LIFR: variants seen among roughly 807,000 people sequenced by gnomAD.
LIFR encodes the protein leukemia inhibitory factor receptor.
A neutral mutation model predicts 122.2 loss-of-function variants in LIFR; 84 were observed. The ratio of observed to expected loss-of-function variants is 0.69; its 90% CI spans 0.58 to 0.82. LIFR has a LOEUF of 0.82. Ranked by LOEUF, LIFR falls within the 40% of genes least tolerant of loss-of-function variation. The pLI, the probability that LIFR is intolerant of heterozygous loss-of-function variation, is 0.00. For missense variants in LIFR, 1,294 were observed against 1,311.6 expected (o/e 0.99, Z 0.21); for synonymous variants, 422 against 434.7 (o/e 0.97, Z 0.36).
At chr5:38,548,916 G>A (rs1748041599) in intron 1 of LIFR, among the ~76,000 whole-genome samples, 1 of 152,196 alleles carries the variant, frequency 6.6e-6, no homozygotes, top group African/African-American at 2.4e-5. Flanking sequence ...TCTGTATTAA[G>A]AATAGAATAC....
chr5:38,496,412 AAGGTGGTGATGAGCCCACAGAATTTTT>A lies in LIFR; in HGVS notation c.1828_1854del (p.Lys610_Pro618del). On this transcript the variant is annotated inframe_deletion, in exon 13 of 20. Transcript: ENST00000453190. ...GGAATTTCCATACTCGCTATTTTGG[AAGGTGGTGATGAGCCCACAGAATTTTT>A]AGCCACTACGCTGATGATGTAGTCA... 6.2e-7 allele frequency: 1 copy of A among 1,613,956 alleles called. No homozygotes were observed. Among genetic ancestry groups the A allele is most frequent in the Non-Finnish European group, 8.5e-7 (1 of 1,179,800 alleles).
chr5:38,481,852 C>A lies in LIFR; in HGVS notation c.3037G>T (p.Val1013Leu). 1 of 1,614,176 alleles carries A rather than the reference C, an allele frequency of 6.2e-7. No homozygotes were observed. The highest frequency in any genetic ancestry group is 8.5e-7 in the Non-Finnish European group (1 of 1,180,032). The change falls in exon 20 of 20, where the codon GTG becomes TTG. Residue 1013 changes from valine (V) to leucine (L), a missense_variant. Coordinates refer to ENST00000453190, the MANE Select transcript of LIFR (RefSeq NM_001127671.2). ...PQMHLPINST[V>L]EDIAAEEDLD... The stretch of plus-strand genomic sequence containing the variant: ...TCCTCTTCTGCAGCTATATCTTCCA[C>A]AGTAGAATTAATGGGGAGGTGCATC...
intron 12 of LIFR, among the ~76,000 whole-genome samples, chr5:38,497,444 A>G (rs77385229): frequency 0.022 from 3,384 of 152,386 alleles, 61 homozygotes; most frequent in Non-Finnish European, 0.033. Context: ...ATAAAAAACA[A>G]TATTTATCTC....
At chr5:38,515,471 T>C (rs1746025399) in intron 5 of LIFR, among the ~76,000 whole-genome samples, 1 of 151,930 alleles carries the variant, frequency 6.6e-6, no homozygotes, top group Non-Finnish European at 1.5e-5. Context: ...AACAAGATAA[T>C]ATAAGGAGTG....
chr5:38,496,558 GA>G lies in LIFR; in HGVS notation c.1708del (p.Ser570ProfsTer38). ...ATCTGATGAACACGATACATTGTAG[GA>G]AAGTATTTTTCCATTAGCTTCATTA... ...PINEANGKIL[S>X]YNVSCSSDEE... On this transcript the variant is annotated frameshift_variant, in exon 13 of 20. Coordinates refer to ENST00000453190, the MANE Select transcript of LIFR (RefSeq NM_001127671.2). LOFTEE classifies it high-confidence loss of function. The G allele has an allele frequency of 6.2e-7, 1 of 1,613,786 alleles. No homozygotes were observed. Among genetic ancestry groups the G allele is most frequent in the Non-Finnish European group, 8.5e-7 (1 of 1,179,684 alleles).
Position 38,489,206 on chromosome 5 carries a change from G to C in LIFR, c.2207C>G (p.Ser736Cys), listed in dbSNP as rs1261807870. ...CCATTTTACTAATATCGAATCTGCA[G>C]AAGTATCCTCAACAGTAAAATTTGG... ...VAPNFTVEDT[S>C]ADSILVKWED... The change falls in exon 16 of 20, where the codon TCT becomes TGT. Residue 736 changes from serine to cysteine, a missense_variant. Coordinates refer to ENST00000453190, the MANE Select transcript of LIFR (RefSeq NM_001127671.2). 1 of 1,613,190 alleles carries C rather than the reference G, an allele frequency of 6.2e-7. No individual in the cohort carries two copies. The highest frequency in any genetic ancestry group is 8.5e-7 in the Non-Finnish European group (1 of 1,179,636).
intron 1 of LIFR, among the ~76,000 whole-genome samples, chr5:38,587,118 C>A (rs1749774471): frequency 6.6e-6 from 1 of 152,050 alleles, no homozygotes; most frequent in Non-Finnish European, 1.5e-5. Flanking sequence ...CAGGACTACA[C>A]CCTGGGAATA....
chr5:38,569,670 A>T (rs1749146350), intron 1 of LIFR, among the ~76,000 whole-genome samples: 1 of 152,084 alleles, frequency 6.6e-6, no homozygotes, highest in Admixed American at 6.5e-5. Context: ...AAGTTTGGGG[A>T]CCGCTGCCCT....
At chr5:38,590,368 T>C (rs1327326848) in intron 1 of LIFR, among the ~76,000 whole-genome samples, 1 of 152,142 alleles carries the variant, frequency 6.6e-6, no homozygotes, top group Admixed American at 6.5e-5. Flanking sequence ...GGGAAAATAC[T>C]TGGTAACTTT....
At chr5:38,577,284 C>G (rs1190033435) in intron 1 of LIFR, among the ~76,000 whole-genome samples, 1 of 152,188 alleles carries the variant, frequency 6.6e-6, no homozygotes, top group Non-Finnish European at 1.5e-5. Flanking sequence ...TTTTGAGTAT[C>G]TAGATCTAAT....
chr5:38,569,438 T>C (rs993754084), intron 1 of LIFR, among the ~76,000 whole-genome samples: 5 of 152,154 alleles, frequency 3.3e-5, no homozygotes, highest in African/African-American at 4.8e-5. Context: ...CATTACCACC[T>C]GAGCTCCACC....
At chr5:38,519,253 C>A (rs1746272821) in intron 5 of LIFR, among the ~76,000 whole-genome samples, 1 of 152,164 alleles carries the variant, frequency 6.6e-6, no homozygotes, top group Non-Finnish European at 1.5e-5. Flanking sequence ...CACTCACTGA[C>A]TCACCCAGAG....
chr5:38,532,587 G>A (rs1427291418), intron 1 of LIFR, among the ~76,000 whole-genome samples: 4 of 143,344 alleles, frequency 2.8e-5, no homozygotes, highest in Admixed American at 6.7e-5. Flanking sequence ...AAGGATCAAC[G>A]GCAGTGTCAC....
At chr5:38,502,003 G>C (rs372141083) in intron 11 of LIFR, among the ~76,000 whole-genome samples, 91 of 148,952 alleles carry the variant, frequency 6.1e-4, no homozygotes, top group African/African-American at 2.1e-3. Flanking sequence ...TAAAAAAAAG[G>C]CCAATGAGTT....
rs76257066 is a variant in LIFR at position 38,550,662 on chromosome 5, C to T, written c.-20+5672G>A. Among the ~76,000 whole-genome samples the T allele has an allele frequency of 5.7e-3, 874 of 152,316 alleles. 7 individuals are homozygous for T. The highest frequency in any genetic ancestry group is 0.02 in the African/African-American group (828 of 41,568). ...ATCACTTATTCAACAAATATGTGAA[C>T]GTCTACTATAGACTAGGCACTGTTC... On this transcript the variant is annotated intron_variant, in intron 1 of 19. Coordinates refer to ENST00000453190, the MANE Select transcript of LIFR (RefSeq NM_001127671.2).
At chr5:38,604,381 G>A (rs1750282385) in intron 2 of LIFR, among the ~76,000 whole-genome samples, 1 of 152,184 alleles carries the variant, frequency 6.6e-6, no homozygotes, top group Admixed American at 6.5e-5. Flanking sequence ...ACCAAAGGGT[G>A]TCTGAGACAA....
At chr5:38,580,977 A>C (rs1026442503) in intron 1 of LIFR, among the ~76,000 whole-genome samples, 1 of 152,112 alleles carries the variant, frequency 6.6e-6, no homozygotes, top group Non-Finnish European at 1.5e-5. Context: ...CTAATGCTAC[A>C]ATGTCTTTGG....
intron 12 of LIFR, 104 bp downstream of exon 12, chr5:38,499,409 A>T (rs1745057546): frequency 3.7e-6 from 3 of 800,124 alleles, no homozygotes; most frequent in South Asian, 2.9e-5. Context: ...TTGCAACAAA[A>T]GCCAGTCTGG....
chr5:38,487,978 C>CT (rs1419560005), intron 16 of LIFR, among the ~76,000 whole-genome samples: 1 of 152,200 alleles, frequency 6.6e-6, no homozygotes, highest in Non-Finnish European at 1.5e-5. Flanking sequence ...TCTGAATCTT[C>CT]TTTTTCAGTG....
Sources: gnomAD v4.1 joint callset for allele counts (sites outside exome capture counted in the v4.1 genomes callset) on GRCh38, gnomAD v4.1.1 for gene constraint, MANE v1.5 for transcripts, NCBI Gene and HGNC (gene_info 2026-07-23, HGNC 2026-07-21) for gene names.